Variants in SIGLEC15 observed in about 807,000 individuals in gnomAD.
The protein encoded by SIGLEC15 is sialic acid binding Ig like lectin 15.
In SIGLEC15, 31 loss-of-function variants were observed where a neutral mutation model predicts 26.2. The ratio of observed to expected loss-of-function variants is 1.18; its 90% CI spans 0.89 to 1.60. The LOEUF (loss-of-function observed/expected upper bound fraction) is 1.60. Ranked by LOEUF, SIGLEC15 falls within the 40% of genes most tolerant of loss-of-function variation. The pLI is 0.00. For missense variants in SIGLEC15, 501 were observed against 488.4 expected (o/e 1.03, Z -0.24); for synonymous variants, 207 against 221.9 (o/e 0.93, Z 0.60).
chr18:45,828,844 G>A (rs537044410), intron 1 of SIGLEC15, among the ~76,000 whole-genome samples: 8 of 152,292 alleles, frequency 5.3e-5, no homozygotes, highest in East Asian at 1.9e-4. Context: ...AAATAGCAGC[G>A]GTCACCCAAA....
rs772201154 is a variant in SIGLEC15, at chr18:45,837,858, G to A, written c.458G>A (p.Arg153His). The change falls in exon 3 of 6, where the codon CGC (arginine) becomes CAC (histidine). Residue 153 changes from arginine to histidine, a missense_variant. Transcript: ENST00000389474. ...GAGTTCGCCGGCGACGTCCATGACCGCTACGAGAGCCGCCACGGCGTCCGG... is the reference window on the plus strand; with the variant it reads ...GAGTTCGCCGGCGACGTCCATGACCACTACGAGAGCCGCCACGGCGTCCGG... ...RVEFAGDVHD[R>H]YESRHGVRLH... is the part of the protein sequence containing the mutation. 5.9e-6 allele frequency: 9 copies of A among 1,537,052 alleles called. No individual in the cohort carries two copies. Among genetic ancestry groups the A allele is most frequent in the African/African-American group, 5.7e-5 (4 of 70,200 alleles).
chr18:45,830,583 C>CTTTTTTTTTTTTTTTT (rs56404391), intron 1 of SIGLEC15, among the ~76,000 whole-genome samples: 2 of 96,702 alleles, frequency 2.1e-5, no homozygotes, highest in African/African-American at 4.2e-5. Flanking sequence ...ATTTTTCTTT[C>CTTTTTTTTTTTTTTTT]TTTTTTTTTT....
chr18:45,837,382 G>T, intron 2 of SIGLEC15, 131 bp from the exon 3 acceptor site: 1 of 1,312,886 alleles, frequency 7.6e-7, no homozygotes, highest in Non-Finnish European at 9.9e-7. Context: ...AGTGGGGGAC[G>T]ATCCCTGAGT....
chr18:45,830,749 C>A (rs1283328289), intron 1 of SIGLEC15, among the ~76,000 whole-genome samples: 3 of 94,158 alleles, frequency 3.2e-5, no homozygotes, highest in African/African-American at 1.6e-4. Context: ...CCATGCCAGG[C>A]TAATTTTTTT....
chr18:45,825,873 GGTGTGCAGAGCCTCCAGGCCT>G, intron 1 of SIGLEC15, 93 bp downstream of exon 1: 1 of 1,478,698 alleles, frequency 6.8e-7, no homozygotes, highest in Non-Finnish European at 9.4e-7. Flanking sequence ...GCAGGAAGCA[GGTGTGCAGAGCCTCCAGGCCT>G]GTGGAGGAGG....
At position 45,842,868 on chromosome 18, in the gene SIGLEC15, AG is replaced by A. The variant is rs1269335124; in HGVS notation, c.*682del. The A allele has an allele frequency of 6.6e-6, 1 of 152,594 alleles. No homozygotes were observed. Among genetic ancestry groups the A allele is most frequent in the Non-Finnish European group, 1.5e-5 (1 of 68,328 alleles). 9.5% of individuals were successfully genotyped at this position (152,594 alleles called of 1,614,324 possible). A position where few individuals can be genotyped will look rare whatever the true frequency, so the allele number is the denominator to read the frequency against. On this transcript the variant is annotated 3_prime_UTR_variant, in exon 6 of 6. Transcript: ENST00000389474. ...AGTGTCACGGAGAACACAGAGTTCC[AG>A]AGAGCAAGCCTGGGGCAGGGGCTGT... is the stretch of plus-strand genomic sequence containing the variant.
At position 45,838,806 on chromosome 18, in the gene SIGLEC15, CG is replaced by C; in HGVS notation, c.586del (p.Ala196ProfsTer26). 1 of 1,558,830 alleles carries C rather than the reference CG, an allele frequency of 6.4e-7. No homozygotes were observed. ...GCACTGCCGAAGGGGAGCCGCCGCC[CG>C]CCCTCGCCTGGTCCGGCCCGGCCCT... Reference protein sequence around the residue: ...LCTAEGEPPPALAWSGPALGN... With the variant: ...LCTAEGEPPPXLAWSGPALGN... On this transcript the variant is annotated frameshift_variant, in exon 4 of 6. Transcript: ENST00000389474. LOFTEE classifies it high-confidence loss of function.
intron 1 of SIGLEC15, 132 bp from the exon 2 acceptor site, chr18:45,836,897 A>T: frequency 1.6e-6 from 1 of 618,620 alleles, no homozygotes; most frequent in African/African-American, 1.8e-5. Context: ...GTGCACTAGA[A>T]TGCAGGCTGT....
intron 4 of SIGLEC15, among the ~76,000 whole-genome samples, chr18:45,839,717 G>A (rs2048308767): frequency 6.6e-6 from 1 of 152,176 alleles, no homozygotes; most frequent in African/African-American, 2.4e-5. Flanking sequence ...AAGGAGAAAC[G>A]CTCTTCCTAG....
At chr18:45,838,450 C>G in intron 3 of SIGLEC15, 1 of 530,288 alleles carries the variant, frequency 1.9e-6, no homozygotes, top group South Asian at 2.8e-5. Flanking sequence ...GGGACCTAGT[C>G]CAAGCACCCA....
intron 5 of SIGLEC15, among the ~76,000 whole-genome samples, chr18:45,841,270 A>C (rs2048322622): frequency 6.6e-6 from 1 of 151,992 alleles, no homozygotes; most frequent in South Asian, 2.1e-4. Context: ...GGAGCGGTGG[A>C]GTTCCAGAGA....
At chr18:45,834,382 A>T (rs576942315) in intron 1 of SIGLEC15, among the ~76,000 whole-genome samples, 76 of 152,332 alleles carry the variant, frequency 5.0e-4, no homozygotes, top group African/African-American at 1.8e-3. Flanking sequence ...TGGACAAGAC[A>T]CACAGTTCAA....
In SIGLEC15 at chr18:45,837,859, C is replaced by T. The variant is rs2048289207; in HGVS notation, c.459C>T (p.Arg153=). ...RVEFAGDVHD[R]YESRHGVRLH... is the part of the protein sequence containing the mutation. The stretch of plus-strand genomic sequence containing the variant: ...AGTTCGCCGGCGACGTCCATGACCG[C>T]TACGAGAGCCGCCACGGCGTCCGGC... Residue 153 remains arginine, a synonymous_variant, in exon 3 of 6, where the codon CGC becomes CGT. Coordinates refer to ENST00000389474, the MANE Select transcript of SIGLEC15 (RefSeq NM_213602.3). The T allele has an allele frequency of 3.3e-6, 5 of 1,535,144 alleles. No homozygotes were observed. The highest frequency in any genetic ancestry group is 2.0e-4 in the Middle Eastern group (1 of 4,880).
rs1568081048 is a variant in SIGLEC15, at chr18:45,837,813, G to A, written c.413G>A (p.Arg138His). The change falls in exon 3 of 6, where the codon CGC (arginine) becomes CAC (histidine). Residue 138 changes from arginine to histidine, a missense_variant. Transcript: ENST00000389474. Reference sequence around the variant, plus strand: ...GAGCGCCTCGCCCTGGCTGACGACCGCCGCTACTTCTGCCGCGTCGAGTTC... The same window carrying A: ...GAGCGCCTCGCCCTGGCTGACGACCACCGCTACTTCTGCCGCGTCGAGTTC... Reference protein sequence around the residue: ...RVERLALADDRRYFCRVEFAG... With the variant: ...RVERLALADDHRYFCRVEFAG... The A allele has an allele frequency of 1.3e-6, 2 of 1,531,484 alleles. No individual in the cohort carries two copies. The allele number at this position is 1,531,484 out of a possible 1,614,324, so 94.9% of individuals were successfully genotyped here.
At chr18:45,840,162 C>A in intron 4 of SIGLEC15, 49 bp from the exon 5 acceptor site, 1 of 1,606,596 alleles carries the variant, frequency 6.2e-7, no homozygotes, top group Non-Finnish European at 8.5e-7. Context: ...GCACAGGCTG[C>A]AGACTGCGGT....
At chr18:45,832,500 G>A (rs1257473854) in intron 1 of SIGLEC15, among the ~76,000 whole-genome samples, 2 of 152,026 alleles carry the variant, frequency 1.3e-5, no homozygotes, top group Non-Finnish European at 2.9e-5. Context: ...CACAGATTGG[G>A]TGCTTGATAA....
At position 45,842,131 on chromosome 18, in the gene SIGLEC15, G is replaced by A; in HGVS notation, c.931G>A (p.Glu311Lys). Reference sequence around the variant, plus strand: ...GTCCCAGGCCCAGGAGTCCAATTATGAAAATTTGAGCCAGATGAACCCCCG... The same window carrying A: ...GTCCCAGGCCCAGGAGTCCAATTATAAAAATTTGAGCCAGATGAACCCCCG... ...PRSQAQESNYENLSQMNPRSP... is the reference protein window; with the variant it reads ...PRSQAQESNYKNLSQMNPRSP... The change falls in exon 6 of 6, where the codon GAA (glutamate) becomes AAA (lysine). Residue 311 changes from glutamate (E) to lysine (K), a missense_variant. Coordinates refer to ENST00000389474, the MANE Select transcript of SIGLEC15 (RefSeq NM_213602.3). The A allele has an allele frequency of 6.2e-7, 1 of 1,614,186 alleles. No individual in the cohort carries two copies. The highest frequency in any genetic ancestry group is 8.5e-7 in the Non-Finnish European group (1 of 1,180,034).
Position 45,837,703 on chromosome 18 carries a change from C to T in SIGLEC15, c.303C>T (p.Ser101=), listed in dbSNP as rs1340518815. 2.0e-6 allele frequency: 3 copies of T among 1,479,958 alleles called. No homozygotes were observed. The highest frequency in any genetic ancestry group is 2.9e-5 in the African/African-American group (2 of 68,112). 91.7% of individuals were successfully genotyped at this position (1,479,958 alleles called of 1,614,324 possible). A position where few individuals can be genotyped will look rare whatever the true frequency, so the allele number is the denominator to read the frequency against. The change falls in exon 3 of 6, where the codon AGC becomes AGT. Residue 101 remains serine, a synonymous_variant. Transcript: ENST00000389474. ...TCCGCTGCGCTGCGGCGCGGGGCAG[C>T]GAGCTCTGCCAGACGGCGCTGAGCC... ...QVFRCAAARG[S]ELCQTALSLH...
chr18:45,837,315 G>T (rs1458568516), intron 2 of SIGLEC15, among the ~76,000 whole-genome samples, 198 bp from the exon 3 acceptor site: 4 of 152,246 alleles, frequency 2.6e-5, no homozygotes. Context: ...GGCCCTGGGG[G>T]TGCAGGCACC....
Sources: gnomAD v4.1 joint callset for allele counts (sites outside exome capture counted in the v4.1 genomes callset) on GRCh38, gnomAD v4.1.1 for gene constraint, MANE v1.5 for transcripts, NCBI Gene and HGNC (gene_info 2026-07-23, HGNC 2026-07-21) for gene names.